Variants in AAK1 observed in about 807,000 individuals in gnomAD.
The protein encoded by AAK1 is AP2-associated protein kinase 1.
In AAK1, 37 loss-of-function variants were observed where a neutral mutation model predicts 116.0. That is an observed-to-expected ratio of 0.32 (90% CI 0.25 to 0.42). The LOEUF (loss-of-function observed/expected upper bound fraction) is 0.42. AAK1 is among the 10% of genes least tolerant of loss of function. The probability of loss-of-function intolerance (pLI) is 1.00; values close to 1 mark genes in which losing one functional copy is unlikely to be tolerated. For synonymous variants in AAK1, 458 were observed against 439.9 expected, an observed-to-expected ratio of 1.04 and a Z score of -0.51; for missense variants, 919 against 1,170.6, an observed-to-expected ratio of 0.79 and a Z score of 3.14.
At chr2:69,485,953 C>T (rs1419164656) in intron 17 of AAK1, among the ~76,000 whole-genome samples, 2 of 150,934 alleles carry the variant, frequency 1.3e-5, no homozygotes, top group Non-Finnish European at 2.9e-5. Flanking sequence ...GTCACTGAGC[C>T]TGGCCTTTTT....
At position 69,519,136 on chromosome 2, in the gene AAK1, G is replaced by C. The variant is rs1347510391; in HGVS notation, c.1315C>G (p.Pro439Ala). ...GAAGGCGTCTGCTGTGGAGTGGGAG[G>C]AGCCTGTGGCTGCTTGGCCTGAGTT... ...PQTQAKQPQAPPTPQQTPSTQ... is the reference protein window; with the variant it reads ...PQTQAKQPQAAPTPQQTPSTQ... Residue 439 changes from proline to alanine, a missense_variant, in exon 12 of 22, where the codon CCT (proline) becomes GCT (alanine). Pro to Ala is a conservative substitution (Grantham distance 27, BLOSUM62 -1). This residue lies in a region of AAK1 where 214 missense variants were observed against 210.6 expected (regional missense o/e 1.02). Transcript: ENST00000409085. The C allele has an allele frequency of 3.8e-6, 6 of 1,567,432 alleles. No individual in the cohort carries two copies. The African/African-American group carries it at 6.8e-5, about 18-fold the overall frequency.
intron 7 of AAK1, among the ~76,000 whole-genome samples, 172 bp from the exon 8 acceptor site, chr2:69,530,312 T>C (rs530023477): frequency 2.2e-4 from 33 of 152,358 alleles, no homozygotes; most frequent in African/African-American, 7.2e-4. Context: ...GCAGCTGAGT[T>C]ACATTATTTC....
rs1167782816 is a variant in AAK1 at position 69,461,758 on chromosome 2, CT to C, written c.*14110del. 1 of 308,324 alleles carries C rather than the reference CT, an allele frequency of 3.2e-6. No individual in the cohort carries two copies. The highest frequency in any genetic ancestry group is 2.3e-5 in the African/African-American group (1 of 43,188). The allele number at this position is 308,324 out of a possible 1,614,324, so 19.1% of individuals were successfully genotyped here. On this transcript the variant is annotated 3_prime_UTR_variant, in exon 22 of 22. Transcript: ENST00000409085. ...AGGTGCGTGCCATCACGCCCAGCTACTTTTTGTATTTTTGGTAGAGACAGGG... is the reference window on the plus strand; with the variant it reads ...AGGTGCGTGCCATCACGCCCAGCTACTTTTGTATTTTTGGTAGAGACAGGG...
intron 2 of AAK1, among the ~76,000 whole-genome samples, chr2:69,572,321 C>A (rs1672120659): frequency 6.6e-6 from 1 of 152,146 alleles, no homozygotes; most frequent in Non-Finnish European, 1.5e-5. Context: ...TGGTTGTTTG[C>A]ATTAATTTTT....
intron 13 of AAK1, among the ~76,000 whole-genome samples, chr2:69,509,867 A>G (rs948476153): frequency 3.3e-5 from 5 of 152,182 alleles, no homozygotes; most frequent in Non-Finnish European, 7.3e-5. Context: ...AGGGCAAGCA[A>G]TAGATCCTAT....
At chr2:69,500,734 A>C (rs1025645681) in intron 16 of AAK1, among the ~76,000 whole-genome samples, 9 of 96,286 alleles carry the variant, frequency 9.3e-5, no homozygotes, top group African/African-American at 1.4e-4. Flanking sequence ...CACACACACA[A>C]CCATTTGCAG....
chr2:69,573,975 A>G (rs1672195180), intron 2 of AAK1, among the ~76,000 whole-genome samples: 1 of 151,980 alleles, frequency 6.6e-6, no homozygotes, highest in East Asian at 1.9e-4. Context: ...AGCCTGGGTG[A>G]CAGAGCAAGA....
At position 69,471,207 on chromosome 2, in the gene AAK1, G is replaced by A. The variant is rs901434483; in HGVS notation, c.*4662C>T. The A allele has an allele frequency of 5.1e-6, 5 of 985,304 alleles. No individual in the cohort carries two copies. Among genetic ancestry groups the A allele is most frequent in the Admixed American group, 6.1e-5 (1 of 16,264 alleles). The allele number at this position is 985,304 out of a possible 1,614,324, so 61.0% of individuals were successfully genotyped here. On this transcript the variant is annotated 3_prime_UTR_variant, in exon 22 of 22. Coordinates refer to ENST00000409085, the MANE Select transcript of AAK1 (RefSeq NM_014911.5). ...CTACATCAAAGTGTGAACCAAGAAC[G>A]TGTCTTTAATTCTAGCAACTACCAC...
chr2:69,523,893 G>C (rs1669897714), intron 10 of AAK1, among the ~76,000 whole-genome samples: 1 of 152,218 alleles, frequency 6.6e-6, no homozygotes, highest in African/African-American at 2.4e-5. Context: ...AGACAGTCTA[G>C]GTCACTTCCA....
At chr2:69,541,826 G>A (rs564195886) in intron 5 of AAK1, among the ~76,000 whole-genome samples, 82 of 152,238 alleles carry the variant, frequency 5.4e-4, no homozygotes, top group African/African-American at 1.9e-3. Context: ...CCTGAAACAC[G>A]GTAGAATGAA....
At chr2:69,576,450 A>G (rs987964169) in intron 2 of AAK1, among the ~76,000 whole-genome samples, 4 of 152,002 alleles carry the variant, frequency 2.6e-5, no homozygotes, top group African/African-American at 9.7e-5. Flanking sequence ...CCAGGTATTA[A>G]GCCCAGTACC....
intron 2 of AAK1, among the ~76,000 whole-genome samples, chr2:69,561,932 A>C (rs1671662045): frequency 6.6e-6 from 1 of 152,186 alleles, no homozygotes; most frequent in Admixed American, 6.5e-5. Flanking sequence ...TTTTTTGGTC[A>C]ACTAGTATTC....
intron 2 of AAK1, among the ~76,000 whole-genome samples, chr2:69,622,405 C>T (rs1674686003): frequency 6.6e-6 from 1 of 152,172 alleles, no homozygotes; most frequent in Non-Finnish European, 1.5e-5. Flanking sequence ...CCATCAACTG[C>T]CCAAGGGCTG....
At chr2:69,620,305 C>T (rs543835463) in intron 2 of AAK1, among the ~76,000 whole-genome samples, 5 of 152,330 alleles carry the variant, frequency 3.3e-5, no homozygotes, top group Admixed American at 1.3e-4. Context: ...CCTGTCTCCT[C>T]TGGGACCTTG....
intron 13 of AAK1, among the ~76,000 whole-genome samples, chr2:69,509,735 C>T (rs1025660016): frequency 6.6e-6 from 1 of 152,114 alleles, no homozygotes; most frequent in African/African-American, 2.4e-5. Flanking sequence ...CATATGTTAA[C>T]CATATTCAGC....
rs756733933 is a variant in AAK1, at chr2:69,470,212, T to C, written c.*5657A>G. 67 of 985,316 alleles carry C rather than the reference T, an allele frequency of 6.8e-5. No homozygotes were observed. Among genetic ancestry groups the C allele is most frequent in the Non-Finnish European group, 7.6e-5 (63 of 829,936 alleles). 61.0% of individuals were successfully genotyped at this position (985,316 alleles called of 1,614,324 possible). On this transcript the variant is annotated 3_prime_UTR_variant, in exon 22 of 22. Transcript: ENST00000409085. ...ACGGTTACAGGGAGTATCAAAGATATGATTCTTGCCAAAAACAGAAAACGA... is the reference window on the plus strand; with the variant it reads ...ACGGTTACAGGGAGTATCAAAGATACGATTCTTGCCAAAAACAGAAAACGA...
intron 20 of AAK1, 80 bp downstream of exon 20, chr2:69,478,871 G>A: frequency 8.4e-7 from 1 of 1,195,758 alleles, no homozygotes; most frequent in South Asian, 1.3e-5. Context: ...AAAGACTTTT[G>A]ATAAGAAAAA....
chr2:69,602,568 T>A (rs1473008682), intron 2 of AAK1, among the ~76,000 whole-genome samples: 1 of 152,236 alleles, frequency 6.6e-6, no homozygotes, highest in Non-Finnish European at 1.5e-5. Flanking sequence ...ATCATTTTTC[T>A]ACTGTTTATG....
chr2:69,610,455 G>GA (rs1245677083), intron 2 of AAK1, among the ~76,000 whole-genome samples: 3 of 152,112 alleles, frequency 2.0e-5, no homozygotes, highest in Admixed American at 6.5e-5. Context: ...TGACTTCTTG[G>GA]ATATGATACC....
Sources: gnomAD v4.1 joint callset for allele counts (sites outside exome capture counted in the v4.1 genomes callset) on GRCh38, gnomAD v4.1.1 for gene constraint, gnomAD v4.1.1 regional missense constraint, MANE v1.5 for transcripts, NCBI Gene and HGNC (gene_info 2026-07-23, HGNC 2026-07-21) for gene names.